MMS22L: variants seen among roughly 807,000 people sequenced by gnomAD.
MMS22L encodes protein MMS22-like.
A neutral mutation model predicts 159.1 loss-of-function variants in MMS22L; 74 were observed. That is an observed-to-expected ratio of 0.47 (90% confidence interval 0.39 to 0.56). The LOEUF (loss-of-function observed/expected upper bound fraction) is 0.56, where lower values mean the gene tolerates loss of function less well. MMS22L is among the 20% of genes least tolerant of loss of function. MMS22L has a pLI of 0.00. For synonymous variants in MMS22L, 517 were observed against 506.9 expected (o/e 1.02, Z -0.27); for missense variants, 1,351 against 1,422.1 (o/e 0.95, Z 0.80).
intron 14 of MMS22L, among the ~76,000 whole-genome samples, chr6:97,186,968 T>C (rs4594957): frequency 0.45 from 68,030 of 151,920 alleles, 15,408 homozygotes; most frequent in South Asian, 0.53. Context: ...AGAATGAAGG[T>C]CTGCATTTTG....
chr6:97,220,312 CATG>C (rs1264403516), intron 14 of MMS22L, among the ~76,000 whole-genome samples: 6 of 152,050 alleles, frequency 3.9e-5, no homozygotes, highest in Non-Finnish European at 7.4e-5. Flanking sequence ...CTTTAAAGAC[CATG>C]ATAAGAAATG....
At position 97,281,318 on chromosome 6, in the gene MMS22L, T is replaced by C; in HGVS notation, c.209A>G (p.Asp70Gly). The C allele has an allele frequency of 2.5e-6, 4 of 1,609,432 alleles. No homozygotes were observed. Among genetic ancestry groups the C allele is most frequent in the Non-Finnish European group, 3.4e-6 (4 of 1,178,040 alleles). ...LDPLPTNFEE[D>G]TLEIFGIQWV... The stretch of plus-strand genomic sequence containing the variant: ...CTGAATGCCAAATATTTCCAAGGTA[T>C]CTTCTTCAAAATTAGTTGGTAAAGG... Residue 70 changes from aspartate (D) to glycine (G), a missense_variant, in exon 3 of 25, where the codon GAT becomes GGT. By Grantham distance (94) the Asp-to-Gly change is moderately conservative (BLOSUM62 -1). Transcript: ENST00000683635.
chr6:97,167,774 C>A (rs1293989439), intron 20 of MMS22L, among the ~76,000 whole-genome samples: 1 of 151,910 alleles, frequency 6.6e-6, no homozygotes, highest in Non-Finnish European at 1.5e-5. Context: ...AGTGTATTCT[C>A]TTATATCTCC....
intron 15 of MMS22L, among the ~76,000 whole-genome samples, chr6:97,185,926 G>T (rs894456273): frequency 2.0e-5 from 3 of 151,858 alleles, no homozygotes; most frequent in African/African-American, 7.3e-5. Flanking sequence ...ATATATATGC[G>T]CATATATTCA....
intron 19 of MMS22L, among the ~76,000 whole-genome samples, chr6:97,168,972 A>C (rs1163546858): frequency 1.3e-5 from 2 of 152,058 alleles, no homozygotes; most frequent in African/African-American, 4.8e-5. Context: ...ATTTCTTCAT[A>C]TTTTAATCTT....
Position 97,272,694 on chromosome 6 carries a change from C to G in MMS22L, c.606+10G>C. 6.3e-7 allele frequency: 1 copy of G among 1,594,286 alleles called. No individual in the cohort carries two copies. The highest frequency in any genetic ancestry group is 1.1e-5 in the South Asian group (1 of 87,540). The stretch of plus-strand genomic sequence containing the variant: ...CTGATAATTTAAAAATCAAATGAAA[C>G]AAGTCAAACCTTAATCTGGTTTTGA... On this transcript the variant is annotated intron_variant, in intron 6 of 24. Coordinates refer to ENST00000683635, the MANE Select transcript of MMS22L (RefSeq NM_001350599.2).
rs754158144 is a variant in MMS22L, at chr6:97,229,092, A to G, written c.1841T>C (p.Met614Thr). 3 of 1,614,048 alleles carry G rather than the reference A, an allele frequency of 1.9e-6. No homozygotes were observed. The highest frequency in any genetic ancestry group is 2.2e-5 in the East Asian group (1 of 44,880). Residue 614 changes from methionine (M) to threonine (T), a missense_variant, in exon 14 of 25, where the codon ATG becomes ACG. Physicochemically the swap from Met to Thr is moderately conservative, Grantham distance 81. Transcript: ENST00000683635. ...KEFLVSKNEE[M>T]VQRQTIWTLL... ...GGTCCAGATAGTCTGTCTCTGTACC[A>G]TTTCCTCATTCTTAGACACCAAGAA...
At chr6:97,261,499 T>C (rs1281833553) in intron 9 of MMS22L, 1 of 152,198 alleles carries the variant, frequency 6.6e-6, no homozygotes, top group African/African-American at 2.4e-5. Context: ...TTAACATTTA[T>C]TTTCTCTAGT....
At chr6:97,273,829 T>C (rs1244812564) in intron 4 of MMS22L, among the ~76,000 whole-genome samples, 2 of 152,166 alleles carry the variant, frequency 1.3e-5, no homozygotes, top group Non-Finnish European at 2.9e-5. Flanking sequence ...ATAGCACTCT[T>C]CACAGGTCTT....
At chr6:97,273,128 T>G (rs1815919708) in intron 4 of MMS22L, 66 bp from the exon 5 acceptor site, 2 of 1,257,150 alleles carry the variant, frequency 1.6e-6, no homozygotes, top group Admixed American at 2.2e-5. Flanking sequence ...ACAAAAAATG[T>G]TGTAAGCCAT....
intron 19 of MMS22L, among the ~76,000 whole-genome samples, chr6:97,171,407 A>G (rs1803532883): frequency 6.6e-6 from 1 of 152,226 alleles, no homozygotes; most frequent in African/African-American, 2.4e-5. Context: ...ACTTGGCACC[A>G]AAGGGTCATG....
At chr6:97,255,043 A>T (rs563513348) in intron 9 of MMS22L, among the ~76,000 whole-genome samples, 1 of 151,758 alleles carries the variant, frequency 6.6e-6, no homozygotes, top group Non-Finnish European at 1.5e-5. Context: ...GTGTGGCTTC[A>T]TCTGTATTTT....
intron 8 of MMS22L, chr6:97,266,582 T>G (rs1294109181): frequency 3.9e-5 from 6 of 152,234 alleles, no homozygotes; most frequent in African/African-American, 1.4e-4. Flanking sequence ...ACCTAGGCTA[T>G]GTGGTATAGC....
At chr6:97,283,811 T>C (rs1304918675), upstream of MMS22L, among the ~76,000 whole-genome samples, 7 of 152,172 alleles carry the variant, frequency 4.6e-5, no homozygotes, top group African/African-American at 7.2e-5. Flanking sequence ...ATAAAACAAA[T>C]GTCATCAACT....
intron 14 of MMS22L, among the ~76,000 whole-genome samples, chr6:97,193,725 T>G (rs567804888): frequency 6.6e-5 from 10 of 152,324 alleles, no homozygotes; most frequent in African/African-American, 2.4e-4. Flanking sequence ...CCTGACGCAG[T>G]TGGTCTGACA....
chr6:97,178,739 G>C (rs188655115), intron 17 of MMS22L, among the ~76,000 whole-genome samples, 154 bp from the exon 18 acceptor site: 7 of 151,958 alleles, frequency 4.6e-5, no homozygotes, highest in Admixed American at 3.9e-4. Context: ...TTCCACACAA[G>C]GACTTCAAAT....
rs527664576 is a variant in MMS22L at position 97,219,059 on chromosome 6, C to T, written c.2039+9835G>A. 3.1e-4 allele frequency among the ~76,000 whole-genome samples: 47 copies of T among 152,232 alleles called. No individual in the cohort carries two copies. In the South Asian group the frequency reaches 8.9e-3, roughly 29 times the overall value. On this transcript the variant is annotated intron_variant, in intron 14 of 24. Coordinates refer to ENST00000683635, the MANE Select transcript of MMS22L (RefSeq NM_001350599.2). ...ATACTACAAGAACAGCATGTGGGAA[C>T]CACCCCCATGATCCAATCACCTCTG...
At chr6:97,264,560 T>C (rs996470838) in intron 8 of MMS22L, 6 of 152,080 alleles carry the variant, frequency 3.9e-5, no homozygotes, top group Non-Finnish European at 7.4e-5. Flanking sequence ...ACAGCAATTA[T>C]GCAAAAGAAA....
rs544619889 is a variant in MMS22L at position 97,174,723 on chromosome 6, G to C, written c.2680-1501C>G. On this transcript the variant is annotated intron_variant, in intron 18 of 24. Coordinates refer to ENST00000683635, the MANE Select transcript of MMS22L (RefSeq NM_001350599.2). ...GCTCCGGGTTTAGTCACGGAAGTGG[G>C]TGGATGAAGTAGGGGAGAAGTGAAA... 2.8e-4 allele frequency among the ~76,000 whole-genome samples: 42 copies of C among 152,308 alleles called. No homozygotes were observed. The South Asian group carries it at 7.9e-3, about 29-fold the overall frequency.
Sources: gnomAD v4.1 joint callset for allele counts (sites outside exome capture counted in the v4.1 genomes callset) on GRCh38, gnomAD v4.1.1 for gene constraint, MANE v1.5 for transcripts, NCBI Gene and HGNC (gene_info 2026-07-23, HGNC 2026-07-21) for gene names.